The following EPM2A variants were observed in gnomAD, a reference collection of about 807,000 sequenced individuals.
EPM2A encodes the protein EPM2A glucan phosphatase, laforin.
Under a neutral mutation model 26.5 loss-of-function variants are expected in EPM2A, and 21 were observed. The ratio of observed to expected loss-of-function variants is 0.79; its 90% CI spans 0.56 to 1.14. EPM2A has a LOEUF of 1.14. Among genes scored for constraint, EPM2A ranks in the 50% most tolerant of loss-of-function variants. The pLI is 0.00. For synonymous variants in EPM2A, 217 were observed against 177.6 expected (o/e 1.22, Z -1.76); for missense variants, 458 against 440.8 (o/e 1.04, Z -0.35).
At chr6:145,697,772 T>C (rs1781692565) in intron 1 of EPM2A, among the ~76,000 whole-genome samples, 1 of 152,212 alleles carries the variant, frequency 6.6e-6, no homozygotes, top group Non-Finnish European at 1.5e-5. Context: ...AGTTTAAGGT[T>C]ATCTCTCTTG....
At chr6:145,668,754 A>G (rs1779425988) in intron 2 of EPM2A, among the ~76,000 whole-genome samples, 1 of 152,192 alleles carries the variant, frequency 6.6e-6, no homozygotes, top group South Asian at 2.1e-4. Context: ...CTTTTCCCTC[A>G]TAGTCAGAAG....
chr6:145,394,555 G>T (rs1404461929), intron 4 of EPM2A, among the ~76,000 whole-genome samples: 1 of 152,056 alleles, frequency 6.6e-6, no homozygotes, highest in Non-Finnish European at 1.5e-5. Flanking sequence ...ATAATCCCCT[G>T]CATTATCCCT....
chr6:145,445,531 T>C (rs1779118623), intron 4 of EPM2A, among the ~76,000 whole-genome samples: 1 of 152,188 alleles, frequency 6.6e-6, no homozygotes, highest in Non-Finnish European at 1.5e-5. Context: ...AGTGTAGGAC[T>C]GGGGTATTCT....
downstream of EPM2A, among the ~76,000 whole-genome samples, chr6:145,623,956 A>G (rs1775690391): frequency 6.6e-6 from 1 of 152,192 alleles, no homozygotes; most frequent in Non-Finnish European, 1.5e-5. Flanking sequence ...ATTTCCATTA[A>G]TGGAATCAGG....
chr6:145,557,291 T>G (rs140474175), intron 2 of EPM2A, among the ~76,000 whole-genome samples: 2 of 152,210 alleles, frequency 1.3e-5, no homozygotes, highest in South Asian at 4.1e-4. Flanking sequence ...AAATTACCCA[T>G]TGGGTACGAT....
intron 3 of EPM2A, chr6:145,630,739 G>C (rs185108581): frequency 1.3e-5 from 2 of 152,204 alleles, no homozygotes; most frequent in African/African-American, 2.4e-5. Context: ...GTTGATGGTA[G>C]ATAACATTTA....
chr6:145,629,466 T>A (rs976425439), intron 3 of EPM2A: 4 of 152,336 alleles, frequency 2.6e-5, no homozygotes, highest in African/African-American at 9.6e-5. Flanking sequence ...GAGAGCATCA[T>A]GTGTGACAGC....
At chr6:145,610,025 G>A (rs1364118157) in intron 2 of EPM2A, among the ~76,000 whole-genome samples, 5 of 152,102 alleles carry the variant, frequency 3.3e-5, no homozygotes, top group Admixed American at 3.3e-4. Flanking sequence ...GACCAGCCTG[G>A]CCAAGATGGT....
At chr6:145,592,065 G>A (rs1337881504) in intron 2 of EPM2A, among the ~76,000 whole-genome samples, 1 of 151,720 alleles carries the variant, frequency 6.6e-6, no homozygotes, top group Non-Finnish European at 1.5e-5. Context: ...CAAAGTGCAG[G>A]TTTGTTACAT....
chr6:145,703,541 T>G (rs1230482836), intron 1 of EPM2A, among the ~76,000 whole-genome samples: 1 of 152,216 alleles, frequency 6.6e-6, no homozygotes, highest in East Asian at 1.9e-4. Context: ...TTAAACAGCC[T>G]AATTTTTCAA....
chr6:145,640,225 C>T (rs1342840896), intron 2 of EPM2A: 1 of 152,180 alleles, frequency 6.6e-6, no homozygotes, highest in African/African-American at 2.4e-5. Flanking sequence ...AAAATCACCA[C>T]AGGGTATCGA....
chr6:145,392,532 C>G (rs1458064660), intron 4 of EPM2A, among the ~76,000 whole-genome samples: 2 of 152,080 alleles, frequency 1.3e-5, no homozygotes, highest in Non-Finnish European at 2.9e-5. Context: ...GAGTCAACCC[C>G]TCCTTTCCAC....
chr6:145,660,803 A>T (rs1778645050), intron 2 of EPM2A, among the ~76,000 whole-genome samples: 1 of 152,244 alleles, frequency 6.6e-6, no homozygotes, highest in Non-Finnish European at 1.5e-5. Context: ...CTGCCATAAA[A>T]TAACATAAAA....
chr6:145,435,599 A>T (rs1264693887), intron 4 of EPM2A, among the ~76,000 whole-genome samples: 1 of 151,808 alleles, frequency 6.6e-6, no homozygotes, highest in Non-Finnish European at 1.5e-5. Context: ...TTTTTTAATT[A>T]TACTTTAAGT....
In EPM2A at chr6:145,613,381, T is replaced by C. The variant is rs78118327; in HGVS notation, c.340+21864A>G. On this transcript the variant is annotated intron_variant, in intron 2 of 3. Coordinates refer to the EPM2A transcript ENST00000450221. ...AATCCCTCAAAGTCATTCAGGATGG[T>C]TGAAATCAACTTCTACCAAACTCCT... Among the ~76,000 whole-genome samples the C allele has an allele frequency of 7.7e-4, 117 of 152,286 alleles. 2 individuals carry two copies. The East Asian group carries it at 0.021, about 27-fold the overall frequency.
chr6:145,422,300 A>T (rs1778799858), intron 4 of EPM2A, among the ~76,000 whole-genome samples: 1 of 147,252 alleles, frequency 6.8e-6, no homozygotes, highest in African/African-American at 2.5e-5. Flanking sequence ...TGTGTATATA[A>T]ATATATATAT....
At chr6:145,589,274 A>G (rs1781238374) in intron 2 of EPM2A, among the ~76,000 whole-genome samples, 1 of 152,134 alleles carries the variant, frequency 6.6e-6, no homozygotes, top group Non-Finnish European at 1.5e-5. Context: ...GTTCATTAGG[A>G]AAGTATGGCC....
chr6:145,579,602 A>G (rs762995400), intron 2 of EPM2A, among the ~76,000 whole-genome samples: 35 of 152,322 alleles, frequency 2.3e-4, no homozygotes, highest in Non-Finnish European at 3.7e-4. Context: ...TTCTCTTAAA[A>G]GTGCCTTTTT....
intron 2 of EPM2A, among the ~76,000 whole-genome samples, chr6:145,583,893 C>G (rs1338563539): frequency 6.6e-6 from 1 of 152,216 alleles, no homozygotes; most frequent in Non-Finnish European, 1.5e-5. Context: ...CATGCACATA[C>G]TTGCCCTGGT....
Sources: allele counts gnomAD v4.1 joint callset (sites outside exome capture counted in the v4.1 genomes callset), GRCh38; gene constraint gnomAD v4.1.1; transcripts MANE v1.5; gene names NCBI Gene and HGNC (gene_info 2026-07-23, HGNC 2026-07-21).